The following ZFYVE28 variants were observed in gnomAD, a reference collection of about 807,000 sequenced individuals.
The protein encoded by ZFYVE28 is lateral signaling target protein 2 homolog.
In ZFYVE28, 40 loss-of-function variants were observed where a neutral mutation model predicts 82.1. That is an observed-to-expected ratio of 0.49 (90% CI 0.38 to 0.63). The LOEUF is 0.63. ZFYVE28 is among the 30% of genes least tolerant of loss of function. The pLI is 0.00. For synonymous variants in ZFYVE28, 612 were observed against 546.1 expected (o/e 1.12, Z -1.68); for missense variants, 1,321 against 1,242.1 (o/e 1.06, Z -0.96).
At chr4:2,379,054 G>A (rs1215046980) in intron 1 of ZFYVE28, among the ~76,000 whole-genome samples, 1 of 152,138 alleles carries the variant, frequency 6.6e-6, no homozygotes, top group African/African-American at 2.4e-5. Flanking sequence ...AGAACTCCAG[G>A]GGCCTGGCTG....
rs1301886883 is a variant in ZFYVE28, at chr4:2,304,511, T to G, written c.1829A>C (p.Gln610Pro). ...TTCTGAGGGTGGGGGCGCCTCCTCC[T>G]GTCTCTCAGGGGCCCTGTCGCTGGC... ...AKASDRAPERQEEAPPPSEDA... is the reference protein window; with the variant it reads ...AKASDRAPERPEEAPPPSEDA... Residue 610 changes from glutamine (Q) to proline (P), a missense_variant, in exon 8 of 13, where the codon CAG (glutamine) becomes CCG (proline). By Grantham distance (76) the Gln-to-Pro change is moderately conservative. Transcript: ENST00000290974. 1.9e-6 allele frequency: 3 copies of G among 1,612,432 alleles called. No homozygotes were observed. The African/African-American group carries it at 4.0e-5, about 22-fold the overall frequency.
intron 4 of ZFYVE28, 25 bp from the exon 5 acceptor site, chr4:2,337,521 G>C: frequency 6.3e-7 from 1 of 1,576,566 alleles, no homozygotes; most frequent in Non-Finnish European, 8.6e-7. Context: ...AGACCTGTGA[G>C]GCCGCACCTG....
At chr4:2,313,055 A>C (rs1356080350) in intron 7 of ZFYVE28, among the ~76,000 whole-genome samples, 1 of 151,834 alleles carries the variant, frequency 6.6e-6, no homozygotes, top group Admixed American at 6.6e-5. Flanking sequence ...CAAATAAATA[A>C]ATAAATAGAA....
At chr4:2,350,473 AAAAG>A (rs1252425948) in intron 2 of ZFYVE28, among the ~76,000 whole-genome samples, 4 of 152,114 alleles carry the variant, frequency 2.6e-5, no homozygotes, top group Admixed American at 6.5e-5. Flanking sequence ...CAAAAAAAAA[AAAAG>A]AAAGAAAGAA....
chr4:2,339,565 C>T lies in ZFYVE28; in HGVS notation c.409G>A (p.Asp137Asn), dbSNP rs1303826022. Residue 137 changes from aspartate to asparagine, a missense_variant, in exon 4 of 13, where the codon GAC becomes AAC. Physicochemically the swap from Asp to Asn is conservative, Grantham distance 23. This residue lies in a region of ZFYVE28 where 343 missense variants were observed against 408.4 expected (regional missense o/e 0.84). Coordinates refer to ENST00000290974, the MANE Select transcript of ZFYVE28 (RefSeq NM_020972.3). The surrounding 1 kb of genome is among the most constrained non-coding windows in gnomAD (Gnocchi z 5.0). ...TGGTCACGGAGGGCGCCCCGCACGTCCTCCAGGCTGCGCGTCAGCTCCTTG... is the reference window on the plus strand; with the variant it reads ...TGGTCACGGAGGGCGCCCCGCACGTTCTCCAGGCTGCGCGTCAGCTCCTTG... ...LAKELTRSLE[D>N]VRGALRDQAL... The T allele has an allele frequency of 9.9e-6, 16 of 1,613,094 alleles. 1 individual carries two copies. The highest frequency in any genetic ancestry group is 1.4e-5 in the Non-Finnish European group (16 of 1,179,800).
chr4:2,316,514 C>G (rs927007721), intron 7 of ZFYVE28: 4 of 152,106 alleles, frequency 2.6e-5, no homozygotes, highest in African/African-American at 9.7e-5. Context: ...GGTTGTGTCT[C>G]TCTGTATAGA....
At chr4:2,376,370 C>A (rs1728136775) in intron 1 of ZFYVE28, among the ~76,000 whole-genome samples, 4 of 35,438 alleles carry the variant, frequency 1.1e-4, no homozygotes, top group Admixed American at 1.0e-3. Context: ...GACCCTATCT[C>A]TAAAAAAAAA....
intron 6 of ZFYVE28, among the ~76,000 whole-genome samples, chr4:2,327,301 TA>T (rs1720026438): frequency 1.2e-5 from 1 of 81,540 alleles, no homozygotes; most frequent in African/African-American, 4.7e-5. Context: ...TATATATATA[TA>T]TATATATCGA....
intron 7 of ZFYVE28, among the ~76,000 whole-genome samples, chr4:2,316,800 C>A (rs947111805): frequency 5.3e-5 from 8 of 151,632 alleles, no homozygotes; most frequent in African/African-American, 1.7e-4. Flanking sequence ...TTAGGCAATT[C>A]TCCTGCCTCA....
At chr4:2,413,450 G>A (rs778699390) in intron 1 of ZFYVE28, among the ~76,000 whole-genome samples, 11 of 152,186 alleles carry the variant, frequency 7.2e-5, no homozygotes, top group Non-Finnish European at 1.3e-4. Context: ...GAGAGAGACC[G>A]GTGCGCAGGG....
rs760432234 is a variant in ZFYVE28, at chr4:2,341,448, G to T, written c.318+30C>A. 6.2e-7 allele frequency: 1 copy of T among 1,610,592 alleles called. No homozygotes were observed. The highest frequency in any genetic ancestry group is 8.5e-7 in the Non-Finnish European group (1 of 1,179,396). On this transcript the variant is annotated intron_variant, in intron 3 of 12. Coordinates refer to ENST00000290974, the MANE Select transcript of ZFYVE28 (RefSeq NM_020972.3). The surrounding 1 kb of genome is among the most constrained non-coding windows in gnomAD (Gnocchi z 4.5). ...TTGGCTAGACGCCACCCCACATCAGGACCTCCGAACCCGGGTGGCCACCCG... is the reference window on the plus strand; with the variant it reads ...TTGGCTAGACGCCACCCCACATCAGTACCTCCGAACCCGGGTGGCCACCCG...
intron 2 of ZFYVE28, among the ~76,000 whole-genome samples, chr4:2,350,235 C>CG (rs1724174508): frequency 6.6e-6 from 1 of 152,098 alleles, no homozygotes; most frequent in Non-Finnish European, 1.5e-5. Context: ...GAGGCCGAGG[C>CG]AGGTGGATCA....
At chr4:2,366,872 C>T (rs868008675) in intron 1 of ZFYVE28, among the ~76,000 whole-genome samples, 26 of 152,218 alleles carry the variant, frequency 1.7e-4, no homozygotes, top group African/African-American at 5.8e-4. Context: ...CACGGCGCCA[C>T]GCAAACCCCA....
chr4:2,389,242 G>A (rs540084097), intron 1 of ZFYVE28, among the ~76,000 whole-genome samples: 4 of 152,376 alleles, frequency 2.6e-5, no homozygotes, highest in African/African-American at 7.2e-5. Flanking sequence ...ACAGCCAGGA[G>A]GTGTTCCGGC....
At chr4:2,353,160 G>A (rs899004624) in intron 2 of ZFYVE28, among the ~76,000 whole-genome samples, 2 of 152,230 alleles carry the variant, frequency 1.3e-5, no homozygotes, top group African/African-American at 4.8e-5. Flanking sequence ...GCCACACACA[G>A]GGCCCTAATG....
intron 6 of ZFYVE28, among the ~76,000 whole-genome samples, chr4:2,328,284 G>C (rs1436588267): frequency 6.6e-6 from 1 of 152,194 alleles, no homozygotes; most frequent in African/African-American, 2.4e-5. Flanking sequence ...ATTATGCTAA[G>C]TGAAATAAGT....
At chr4:2,349,421 G>C (rs1367436026) in intron 2 of ZFYVE28, among the ~76,000 whole-genome samples, 2 of 151,792 alleles carry the variant, frequency 1.3e-5, no homozygotes, top group Non-Finnish European at 2.9e-5. Context: ...AATGCTAGAT[G>C]ATGAGTTAGT....
chr4:2,323,207 C>G (rs957481730), intron 6 of ZFYVE28, among the ~76,000 whole-genome samples: 1 of 152,182 alleles, frequency 6.6e-6, no homozygotes, highest in African/African-American at 2.4e-5. Flanking sequence ...GCTCTCCCCA[C>G]GTATTCTTTT....
At chr4:2,288,967 AAAATT>A (rs945084338) in intron 8 of ZFYVE28, among the ~76,000 whole-genome samples, 3 of 151,950 alleles carry the variant, frequency 2.0e-5, no homozygotes, top group South Asian at 2.1e-4. Flanking sequence ...CCCTGCCTCA[AAAATT>A]AAATTAAATT....
Sources: allele counts gnomAD v4.1 joint callset (sites outside exome capture counted in the v4.1 genomes callset), GRCh38; gene constraint gnomAD v4.1.1; regional missense constraint gnomAD v4.1.1; non-coding constraint Gnocchi (gnomAD v3.1); transcripts MANE v1.5; gene names NCBI Gene and HGNC (gene_info 2026-07-23, HGNC 2026-07-21).